MAD1L1: variants seen among roughly 807,000 people sequenced by gnomAD.
The protein encoded by MAD1L1 is mitotic arrest deficient 1 like 1.
MAD1L1 carries 95 observed loss-of-function variants against 96.9 expected under a neutral mutation model. That is an observed-to-expected ratio of 0.98 (90% confidence interval 0.83 to 1.16). MAD1L1 has a LOEUF of 1.16. Among genes scored for constraint, MAD1L1 ranks in the 50% most tolerant of loss-of-function variants. The pLI is 0.00. For synonymous variants in MAD1L1, 473 were observed against 396.6 expected (o/e 1.19, Z -2.29); for missense variants, 1,007 against 954.4 (o/e 1.06, Z -0.73).
intron 17 of MAD1L1, among the ~76,000 whole-genome samples, chr7:1,920,376 G>A (rs1190195524): frequency 2.6e-5 from 4 of 152,228 alleles, no homozygotes; most frequent in Non-Finnish European, 4.4e-5. Flanking sequence ...GAGGAGCAGG[G>A]GCAGAGAAAG....
intron 14 of MAD1L1, among the ~76,000 whole-genome samples, chr7:1,989,209 C>T (rs529394736): frequency 2.2e-4 from 33 of 152,286 alleles, no homozygotes; most frequent in African/African-American, 7.5e-4. Flanking sequence ...CCCGCCAGGA[C>T]GGCTCTAACG....
At chr7:2,020,437 A>G (rs2128501147) in intron 12 of MAD1L1, among the ~76,000 whole-genome samples, 1 of 152,336 alleles carries the variant, frequency 6.6e-6, no homozygotes, top group Non-Finnish European at 1.5e-5. Context: ...AGCAGCCTTC[A>G]GAGGACGGAA....
At chr7:1,906,518 C>T (rs1162268005) in intron 17 of MAD1L1, among the ~76,000 whole-genome samples, 1 of 152,264 alleles carries the variant, frequency 6.6e-6, no homozygotes, top group East Asian at 1.9e-4. Context: ...TCCATCGCTC[C>T]AGTCTCTGGC....
At chr7:1,872,476 C>G (rs371647239) in intron 18 of MAD1L1, among the ~76,000 whole-genome samples, 4 of 152,232 alleles carry the variant, frequency 2.6e-5, no homozygotes, top group Non-Finnish European at 4.4e-5. Context: ...GGCAGCTCCT[C>G]CTGTTCATGT....
chr7:2,135,674 C>T (rs753814801), intron 11 of MAD1L1, among the ~76,000 whole-genome samples: 2 of 152,180 alleles, frequency 1.3e-5, no homozygotes, highest in Non-Finnish European at 2.9e-5. Context: ...GCTCTCACAG[C>T]GACCCTCGGG....
intron 18 of MAD1L1, among the ~76,000 whole-genome samples, chr7:1,897,071 C>G (rs2128441351): frequency 6.6e-6 from 1 of 150,570 alleles, no homozygotes; most frequent in Admixed American, 6.6e-5. Context: ...AGGAAATCCA[C>G]AAGGAACGCA....
chr7:1,832,623 T>TTG (rs1473930902), intron 18 of MAD1L1, among the ~76,000 whole-genome samples: 2 of 21,074 alleles, frequency 9.5e-5, no homozygotes, highest in Non-Finnish European at 1.8e-4. Flanking sequence ...CTGTGTTTTT[T>TTG]TTTTTTTGGC....
chr7:1,957,665 C>T lies in MAD1L1; in HGVS notation c.1560G>A (p.Arg520=), dbSNP rs762943643. ...GCCGCTCCAGCTGTGCCTCCAGCAT[C>T]CTCTTTTCCTCCTCCAGCCGACTCC... is the stretch of plus-strand genomic sequence containing the variant. ...GERSRLEEEK[R]MLEAQLERRA... The change falls in exon 16 of 19, where the codon AGG becomes AGA. Residue 520 remains arginine, a synonymous_variant. Transcript: ENST00000265854. The T allele has an allele frequency of 1.6e-5, 26 of 1,614,014 alleles. No homozygotes were observed. Among genetic ancestry groups the T allele is most frequent in the Non-Finnish European group, 2.2e-5 (26 of 1,180,052 alleles).
At chr7:1,919,695 G>A (rs1337428678) in intron 17 of MAD1L1, among the ~76,000 whole-genome samples, 1 of 152,232 alleles carries the variant, frequency 6.6e-6, no homozygotes, top group African/African-American at 2.4e-5. Flanking sequence ...GACCGTGATT[G>A]GAGTGAGCCA....
intron 14 of MAD1L1, among the ~76,000 whole-genome samples, chr7:1,981,114 G>C (rs1024791246): frequency 6.6e-6 from 1 of 152,156 alleles, no homozygotes; most frequent in East Asian, 1.9e-4. Context: ...CTACAGGCGC[G>C]TGCTGCCACG....
chr7:2,026,383 C>T (rs1422477116), intron 12 of MAD1L1, among the ~76,000 whole-genome samples: 1 of 152,172 alleles, frequency 6.6e-6, no homozygotes, highest in Non-Finnish European at 1.5e-5. Flanking sequence ...AATTTCAACA[C>T]AACTCTTGCA....
chr7:2,226,521 G>T (rs74480817), intron 3 of MAD1L1, among the ~76,000 whole-genome samples: 317 of 152,344 alleles, frequency 2.1e-3, no homozygotes, highest in Admixed American at 4.4e-3. Context: ...GCCTCAAAGA[G>T]CCCCAGAAGA....
intron 11 of MAD1L1, among the ~76,000 whole-genome samples, chr7:2,073,380 C>A (rs1291383313): frequency 1.3e-5 from 2 of 152,188 alleles, no homozygotes; most frequent in Non-Finnish European, 2.9e-5. Context: ...CAGAGCAGTT[C>A]CCGACCCCTC....
At chr7:2,073,416 T>C (rs1173459623) in intron 11 of MAD1L1, among the ~76,000 whole-genome samples, 6 of 152,170 alleles carry the variant, frequency 3.9e-5, no homozygotes, top group African/African-American at 1.4e-4. Context: ...CCCAGATCTC[T>C]ACGATCGTCA....
intron 18 of MAD1L1, among the ~76,000 whole-genome samples, chr7:1,879,924 A>G (rs925940121): frequency 6.6e-6 from 1 of 151,986 alleles, no homozygotes; most frequent in Non-Finnish European, 1.5e-5. Flanking sequence ...CAGAGACGGG[A>G]TTTCACTCTG....
In MAD1L1 at chr7:2,194,117, T is replaced by C. The variant is rs1791870259; in HGVS notation, c.986+19095A>G. Among the ~76,000 whole-genome samples, 4 of 149,794 alleles carry C rather than the reference T, an allele frequency of 2.7e-5. No homozygotes were observed. In the Admixed American group the frequency reaches 3.0e-4, roughly 11 times the overall value. ...TGCCACCATGCCTGGCTAATTTTTT[T>C]GTGTGTGTGTGTATTCTTTTGCAGA... On this transcript the variant is annotated intron_variant, in intron 10 of 18. Coordinates refer to ENST00000265854, the MANE Select transcript of MAD1L1 (RefSeq NM_001013836.2).
At chr7:2,042,413 C>A (rs1187751542) in intron 12 of MAD1L1, among the ~76,000 whole-genome samples, 1 of 152,242 alleles carries the variant, frequency 6.6e-6, no homozygotes, top group Non-Finnish European at 1.5e-5. Context: ...GACCTTTTCA[C>A]ACTCCAGCCA....
rs1034431691 is a variant in MAD1L1 at position 2,206,081 on chromosome 7, A to G, written c.986+7131T>C. On this transcript the variant is annotated intron_variant, in intron 10 of 18. Coordinates refer to ENST00000265854, the MANE Select transcript of MAD1L1 (RefSeq NM_001013836.2). ...TGGGAGGCGGAGGTTGCAGTGAGCC[A>G]AGATCATGCCACTATACTCCAGCCT... 2.6e-5 allele frequency among the ~76,000 whole-genome samples: 4 copies of G among 152,306 alleles called. No homozygotes were observed. In the South Asian group the frequency reaches 8.3e-4, roughly 32 times the overall value.
intron 11 of MAD1L1, among the ~76,000 whole-genome samples, chr7:2,139,777 C>A (rs1192162956): frequency 1.3e-5 from 2 of 152,222 alleles, no homozygotes; most frequent in Non-Finnish European, 2.9e-5. Flanking sequence ...AGGCCAGCTG[C>A]AGCTCGGACC....
Sources: allele counts gnomAD v4.1 joint callset (sites outside exome capture counted in the v4.1 genomes callset), GRCh38; gene constraint gnomAD v4.1.1; transcripts MANE v1.5; gene names NCBI Gene and HGNC (gene_info 2026-07-23, HGNC 2026-07-21).